The following APIP variants were observed in gnomAD, a reference collection of about 807,000 sequenced individuals.
The protein encoded by APIP is methylthioribulose-1-phosphate dehydratase.
APIP carries 32 observed loss-of-function variants against 32.0 expected under a neutral mutation model. That is an observed-to-expected ratio of 1.00 (90% CI 0.76 to 1.34). The LOEUF is 1.34. Ranked by LOEUF, APIP falls within the 40% of genes most tolerant of loss-of-function variation. The probability of loss-of-function intolerance (pLI) is 0.00; values close to 1 mark genes in which losing one functional copy is unlikely to be tolerated. For missense variants in APIP, 247 were observed against 298.6 expected (o/e 0.83, Z 1.27); for synonymous variants, 92 against 94.8 (o/e 0.97, Z 0.17).
intron 3 of APIP, 26 bp downstream of exon 3, chr11:34,890,478 G>T: frequency 6.3e-7 from 1 of 1,588,076 alleles, no homozygotes; most frequent in East Asian, 2.3e-5. Context: ...AAAAGACACT[G>T]AGGTTAAAGA....
intron 1 of APIP, among the ~76,000 whole-genome samples, chr11:34,900,893 C>G (rs118108368): frequency 1.3e-5 from 2 of 152,000 alleles, no homozygotes; most frequent in African/African-American, 4.8e-5. Flanking sequence ...AAAGACCAAA[C>G]GAGAATCCCA....
intron 5 of APIP, 69 bp from the exon 6 acceptor site, chr11:34,883,573 AT>A (rs1467938821): frequency 6.7e-7 from 1 of 1,498,444 alleles, no homozygotes. Flanking sequence ...ACAACATGTA[AT>A]TTTTTCAAGT....
intron 2 of APIP, among the ~76,000 whole-genome samples, chr11:34,891,741 C>T (rs996499883): frequency 6.6e-6 from 1 of 152,184 alleles, no homozygotes; most frequent in African/African-American, 2.4e-5. Context: ...CATGAAGTGG[C>T]TATTGTTTCC....
chr11:34,903,687 G>A (rs1853400378), intron 1 of APIP, among the ~76,000 whole-genome samples: 1 of 152,218 alleles, frequency 6.6e-6, no homozygotes, highest in African/African-American at 2.4e-5. Context: ...CAGTGGCAAG[G>A]AAGCCTCAAG....
intron 3 of APIP, 148 bp from the exon 4 acceptor site, chr11:34,889,017 TAG>T (rs1853139642): frequency 2.6e-6 from 1 of 388,830 alleles, no homozygotes; most frequent in Non-Finnish European, 4.5e-6. Flanking sequence ...TACATATACA[TAG>T]AGTGCTAATA....
chr11:34,890,699 A>T (rs1853173136), intron 2 of APIP, 147 bp from the exon 3 acceptor site: 1 of 722,212 alleles, frequency 1.4e-6, no homozygotes, highest in Non-Finnish European at 2.2e-6. Context: ...CTGCATAGAA[A>T]GAAAGCCAAA....
At chr11:34,897,708 C>T (rs1171070350) in intron 1 of APIP, among the ~76,000 whole-genome samples, 1 of 152,166 alleles carries the variant, frequency 6.6e-6, no homozygotes, top group Non-Finnish European at 1.5e-5. Context: ...GATTCCCACC[C>T]TCTTCTTGTC....
At chr11:34,899,558 C>T (rs1461774252) in intron 1 of APIP, among the ~76,000 whole-genome samples, 2 of 152,218 alleles carry the variant, frequency 1.3e-5, no homozygotes, top group African/African-American at 4.8e-5. Context: ...AGAGTTCAAT[C>T]TAGCATACCC....
chr11:34,910,743 A>G (rs1167428984), intron 1 of APIP, among the ~76,000 whole-genome samples: 1 of 152,164 alleles, frequency 6.6e-6, no homozygotes, highest in Non-Finnish European at 1.5e-5. Flanking sequence ...CTTTATCCTT[A>G]TAACAACCCT....
At chr11:34,891,117 T>C (rs1230423620) in intron 2 of APIP, among the ~76,000 whole-genome samples, 1 of 152,122 alleles carries the variant, frequency 6.6e-6, no homozygotes, top group African/African-American at 2.4e-5. Flanking sequence ...TTGAAAAGCA[T>C]ACATATCTTG....
At chr11:34,893,178 T>C (rs1289032899) in intron 2 of APIP, among the ~76,000 whole-genome samples, 1 of 152,206 alleles carries the variant, frequency 6.6e-6, no homozygotes, top group Non-Finnish European at 1.5e-5. Context: ...AAAATGGTAG[T>C]GCATGGATTA....
At chr11:34,915,965 C>A in intron 1 of APIP, 1 of 573,386 alleles carries the variant, frequency 1.7e-6, no homozygotes, top group Non-Finnish European at 3.1e-6. Flanking sequence ...GCTCTCCTCT[C>A]TCAGTTATTT....
chr11:34,884,938 C>T (rs1853036440), intron 5 of APIP, among the ~76,000 whole-genome samples: 1 of 151,756 alleles, frequency 6.6e-6, no homozygotes, highest in Non-Finnish European at 1.5e-5. Context: ...TGACACTGAT[C>T]CAGACAAGTT....
At chr11:34,885,277 A>G (rs1248504912) in intron 5 of APIP, among the ~76,000 whole-genome samples, 1 of 148,948 alleles carries the variant, frequency 6.7e-6, no homozygotes, top group Non-Finnish European at 1.5e-5. Context: ...ATATATACAT[A>G]TAACTATACA....
intron 4 of APIP, 152 bp from the exon 5 acceptor site, chr11:34,888,580 G>T: frequency 1.6e-6 from 2 of 1,248,558 alleles, no homozygotes; most frequent in Non-Finnish European, 2.2e-6. Context: ...AGGAGGGTAA[G>T]TGGAATAATG....
chr11:34,894,907 A>G, intron 2 of APIP, 103 bp downstream of exon 2: 1 of 1,010,414 alleles, frequency 9.9e-7, no homozygotes, highest in Non-Finnish European at 1.5e-6. Flanking sequence ...CTTCAGTATC[A>G]CATAAAACTG....
rs753167057 is a variant in APIP at position 34,883,414 on chromosome 11, G to C, written c.552C>G (p.Tyr184Ter). The C allele has an allele frequency of 3.7e-6, 6 of 1,613,934 alleles. 1 individual carries two copies. Among genetic ancestry groups the C allele is most frequent in the Middle Eastern group, 1.7e-4 (1 of 6,048 alleles). The change falls in exon 6 of 7, where the codon TAC becomes TAG. Residue 184 changes from tyrosine (Y) to a stop codon, truncating the protein, a stop_gained. Coordinates refer to ENST00000395787, the MANE Select transcript of APIP (RefSeq NM_015957.4). LOFTEE classifies it high-confidence loss of function. ...TGACCAGTACTGCACAGGAGTCTGG[G>C]TATTCATTCATTGCATGAGCCATTC... ...KDRMAHAMNE[Y>*]PDSCAVLVRR...
At chr11:34,908,587 G>A in intron 1 of APIP, among the ~76,000 whole-genome samples, 1 of 152,302 alleles carries the variant, frequency 6.6e-6, no homozygotes, top group Non-Finnish European at 1.5e-5. Context: ...CATGGAGCCT[G>A]TTTTTAGCTT....
At chr11:34,891,839 T>C (rs1032021579) in intron 2 of APIP, among the ~76,000 whole-genome samples, 3 of 152,214 alleles carry the variant, frequency 2.0e-5, no homozygotes, top group African/African-American at 7.2e-5. Flanking sequence ...CAAGGGCTCT[T>C]TGTGAATACC....
Sources: allele counts gnomAD v4.1 joint callset (sites outside exome capture counted in the v4.1 genomes callset), GRCh38; gene constraint gnomAD v4.1.1; transcripts MANE v1.5; gene names NCBI Gene and HGNC (gene_info 2026-07-23, HGNC 2026-07-21).